The following DGKI variants were observed in gnomAD, a reference collection of about 807,000 sequenced individuals.
DGKI encodes DAG kinase iota.
In DGKI, 55 loss-of-function variants were observed where a neutral mutation model predicts 147.5. That is an observed-to-expected ratio of 0.37 (90% CI 0.30 to 0.47). The LOEUF is 0.47. DGKI is among the 20% of genes least tolerant of loss of function. The pLI is 1.00. For synonymous variants in DGKI, 469 were observed against 477.1 expected (o/e 0.98, Z 0.22); for missense variants, 1,007 against 1,323.8 (o/e 0.76, Z 3.71).
At chr7:137,511,792 A>C (rs1717602232) in intron 21 of DGKI, among the ~76,000 whole-genome samples, 1 of 152,234 alleles carries the variant, frequency 6.6e-6, no homozygotes, top group South Asian at 2.1e-4. Flanking sequence ...CCAGAGGCTA[A>C]AAGTTTGCTG....
chr7:137,813,816 G>T (rs961335240), intron 1 of DGKI, among the ~76,000 whole-genome samples: 1 of 152,142 alleles, frequency 6.6e-6, no homozygotes, highest in African/African-American at 2.4e-5. Context: ...ATTTCAAGCT[G>T]CATTTAGTGC....
At chr7:137,541,579 A>C (rs1277290105) in intron 20 of DGKI, among the ~76,000 whole-genome samples, 1 of 152,180 alleles carries the variant, frequency 6.6e-6, no homozygotes, top group African/African-American at 2.4e-5. Flanking sequence ...TCTGGAAAAA[A>C]TCCCCTATGG....
At chr7:137,823,167 C>T (rs185673585) in intron 1 of DGKI, among the ~76,000 whole-genome samples, 1 of 151,646 alleles carries the variant, frequency 6.6e-6, no homozygotes, top group African/African-American at 2.4e-5. Context: ...ACAAAGTACA[C>T]CAGTTTTGAA....
At chr7:137,414,004 G>GA (rs1812262566) in intron 28 of DGKI, among the ~76,000 whole-genome samples, 1 of 152,138 alleles carries the variant, frequency 6.6e-6, no homozygotes, top group African/African-American at 2.4e-5. Flanking sequence ...AGTTTTAGAA[G>GA]AAAAATAATT....
chr7:137,752,779 G>A (rs1219866003), intron 1 of DGKI, among the ~76,000 whole-genome samples: 1 of 152,122 alleles, frequency 6.6e-6, no homozygotes, highest in Non-Finnish European at 1.5e-5. Context: ...GGGGAGCTTG[G>A]TTTTTGGAGA....
chr7:137,749,273 C>T (rs916289472), intron 1 of DGKI, among the ~76,000 whole-genome samples: 4 of 152,152 alleles, frequency 2.6e-5, no homozygotes, highest in Non-Finnish European at 5.9e-5. Context: ...AGGGCAGCAC[C>T]CTAAAACAAG....
rs1351149714 is a variant in DGKI at position 137,408,125 on chromosome 7, C to A, written c.2800-130G>T. ...AGCCTTAGAGGACATAGAGAAAAGTCAAAAAGGTGAAGTAACATTCCTGGA... is the reference window on the plus strand; with the variant it reads ...AGCCTTAGAGGACATAGAGAAAAGTAAAAAAGGTGAAGTAACATTCCTGGA... On this transcript the variant is annotated intron_variant, in intron 29 of 32. Coordinates refer to ENST00000614521, the MANE Select transcript of DGKI (RefSeq NM_001321708.2). 15 of 1,094,482 alleles carry A rather than the reference C, an allele frequency of 1.4e-5. No individual in the cohort carries two copies. In the Admixed American group the frequency reaches 2.3e-4, roughly 17 times the overall value. 67.8% of individuals were successfully genotyped at this position (1,094,482 alleles called of 1,614,324 possible). A position where few individuals can be genotyped will look rare whatever the true frequency, so the allele number is the denominator to read the frequency against.
chr7:137,804,318 G>C (rs1037846195), intron 1 of DGKI, among the ~76,000 whole-genome samples: 1 of 152,168 alleles, frequency 6.6e-6, no homozygotes, highest in Non-Finnish European at 1.5e-5. Context: ...ATTGAAAAGA[G>C]ATCCTACAAG....
chr7:137,569,522 A>T (rs962195253), intron 19 of DGKI, among the ~76,000 whole-genome samples: 33 of 151,836 alleles, frequency 2.2e-4, no homozygotes, highest in Admixed American at 2.2e-3. Context: ...AGGTCAGGAG[A>T]TCGAGACCAT....
chr7:137,418,519 G>A (rs1812443713), intron 28 of DGKI, among the ~76,000 whole-genome samples: 1 of 152,156 alleles, frequency 6.6e-6, no homozygotes. Flanking sequence ...ACTTGGCAAA[G>A]CCATATATAT....
rs181912974 is a variant in DGKI, at chr7:137,692,344, T to C, written c.402-2342A>G. Among the ~76,000 whole-genome samples the C allele has an allele frequency of 2.8e-3, 433 of 152,282 alleles. 2 individuals carry two copies. Among genetic ancestry groups the C allele is most frequent in the Admixed American group, 6.1e-3 (93 of 15,288 alleles). ...CACCACAACCTAAATTAAGTGTCCT[T>C]ACAAAAAATACCAAACCACACCCAA... On this transcript the variant is annotated intron_variant, in intron 1 of 32. Transcript: ENST00000614521.
intron 1 of DGKI, among the ~76,000 whole-genome samples, chr7:137,807,086 ATCTGT>A (rs1797399065): frequency 6.6e-6 from 1 of 152,142 alleles, no homozygotes; most frequent in Admixed American, 6.5e-5. Context: ...TATGTCAGTG[ATCTGT>A]TCTGTGTGAT....
At chr7:137,553,462 C>T (rs1818118684) in intron 19 of DGKI, among the ~76,000 whole-genome samples, 1 of 152,044 alleles carries the variant, frequency 6.6e-6, no homozygotes, top group African/African-American at 2.4e-5. Flanking sequence ...GAACTCAGTT[C>T]ATCATGGTAG....
chr7:137,569,376 G>A (rs1276043767), intron 19 of DGKI, among the ~76,000 whole-genome samples: 2 of 152,088 alleles, frequency 1.3e-5, no homozygotes, highest in African/African-American at 2.4e-5. Context: ...AGTAACCCAC[G>A]TATGGACAGT....
chr7:137,726,591 T>C (rs75105400), intron 1 of DGKI, among the ~76,000 whole-genome samples: 2 of 152,234 alleles, frequency 1.3e-5, no homozygotes, highest in Admixed American at 6.5e-5. Flanking sequence ...AATCACACAT[T>C]CTATGATCAT....
chr7:137,405,032 A>T (rs950125455), intron 30 of DGKI, among the ~76,000 whole-genome samples: 1 of 152,036 alleles, frequency 6.6e-6, no homozygotes, highest in African/African-American at 2.4e-5. Context: ...CTATTTTTGG[A>T]CGCAGGGGAA....
At chr7:137,711,213 G>A (rs530857944) in intron 1 of DGKI, among the ~76,000 whole-genome samples, 2 of 152,088 alleles carry the variant, frequency 1.3e-5, no homozygotes, top group African/African-American at 4.8e-5. Context: ...TAGGAATATT[G>A]AAGGTGCACA....
chr7:137,636,539 A>G (rs73461053), intron 6 of DGKI, among the ~76,000 whole-genome samples: 6,727 of 152,172 alleles, frequency 0.044, 469 homozygotes, highest in African/African-American at 0.14. Context: ...GGCCTGAGCC[A>G]CTCATCTCAT....
intron 5 of DGKI, among the ~76,000 whole-genome samples, chr7:137,649,144 T>C (rs1375938172): frequency 1.3e-5 from 2 of 152,224 alleles, no homozygotes; most frequent in Non-Finnish European, 2.9e-5. Context: ...TGTGTTGAAT[T>C]GAATGGAATT....
Sources: gnomAD v4.1 joint callset for allele counts (sites outside exome capture counted in the v4.1 genomes callset) on GRCh38, gnomAD v4.1.1 for gene constraint, MANE v1.5 for transcripts, NCBI Gene and HGNC (gene_info 2026-07-23, HGNC 2026-07-21) for gene names.